Variants in SLC9A9 observed in about 807,000 individuals in gnomAD.
SLC9A9 encodes sodium/hydrogen exchanger 9.
A neutral mutation model predicts 77.8 loss-of-function variants in SLC9A9; 62 were observed. The ratio of observed to expected loss-of-function variants is 0.80; its 90% CI spans 0.65 to 0.98. SLC9A9 has a LOEUF of 0.98. Among genes scored for constraint, SLC9A9 ranks in the 50% least tolerant of loss-of-function variants. The probability of loss-of-function intolerance (pLI) is 0.00; values close to 1 mark genes in which losing one functional copy is unlikely to be tolerated. For missense variants in SLC9A9, 775 were observed against 774.9 expected, an observed-to-expected ratio of 1.00 and a Z score of 0.00; for synonymous variants, 320 against 283.5, an observed-to-expected ratio of 1.13 and a Z score of -1.29.
chr3:143,715,945 C>T (rs1404921914), intron 4 of SLC9A9, among the ~76,000 whole-genome samples: 1 of 152,208 alleles, frequency 6.6e-6, no homozygotes, highest in African/African-American at 2.4e-5. Context: ...GAGGTCTATA[C>T]CCAAAAGAGT....
chr3:143,731,558 A>T (rs553776924), intron 4 of SLC9A9, among the ~76,000 whole-genome samples: 22 of 152,304 alleles, frequency 1.4e-4, no homozygotes, highest in African/African-American at 4.8e-4. Context: ...CTGAGCCAGG[A>T]AGTGCTTGGC....
At chr3:143,494,816 C>G (rs1028455694) in intron 10 of SLC9A9, among the ~76,000 whole-genome samples, 5 of 152,204 alleles carry the variant, frequency 3.3e-5, no homozygotes, top group African/African-American at 1.2e-4. Context: ...TCAGATGAAC[C>G]TGTATTTGAA....
At chr3:143,718,521 T>C (rs79803064) in intron 4 of SLC9A9, among the ~76,000 whole-genome samples, 5,213 of 152,284 alleles carry the variant, frequency 0.034, 288 homozygotes, top group African/African-American at 0.12. Context: ...CAGGTTCAGC[T>C]GTGTCCCAGC....
intron 4 of SLC9A9, among the ~76,000 whole-genome samples, chr3:143,749,142 T>A (rs1935274699): frequency 6.6e-6 from 1 of 152,228 alleles, no homozygotes; most frequent in East Asian, 1.9e-4. Flanking sequence ...AACACATGGT[T>A]TATATATTTG....
At chr3:143,795,623 T>C (rs570255269) in intron 3 of SLC9A9, among the ~76,000 whole-genome samples, 48 of 152,214 alleles carry the variant, frequency 3.2e-4, no homozygotes, top group African/African-American at 1.1e-3. Flanking sequence ...TTCCAGCAAT[T>C]TGGGAGGCTG....
At chr3:143,406,978 G>GAAAAAAA (rs57344964) in intron 12 of SLC9A9, among the ~76,000 whole-genome samples, 15 of 69,138 alleles carry the variant, frequency 2.2e-4, no homozygotes, top group Non-Finnish European at 3.6e-4. Context: ...TCCATCTCGA[G>GAAAAAAA]AAAAAAAAAA....
intron 2 of SLC9A9, among the ~76,000 whole-genome samples, chr3:143,821,902 C>A (rs6793658): frequency 6.6e-6 from 1 of 152,076 alleles, no homozygotes; most frequent in Non-Finnish European, 1.5e-5. Context: ...CCAGCCTATG[C>A]GGGGGTCAGT....
At chr3:143,418,250 G>A (rs1372662711) in intron 12 of SLC9A9, among the ~76,000 whole-genome samples, 2 of 151,810 alleles carry the variant, frequency 1.3e-5, no homozygotes, top group Non-Finnish European at 2.9e-5. Flanking sequence ...CCTTAAAGCA[G>A]ATTAAACTCG....
At chr3:143,321,666 T>C (rs1187603270) in intron 14 of SLC9A9, among the ~76,000 whole-genome samples, 7 of 152,246 alleles carry the variant, frequency 4.6e-5, no homozygotes, top group Non-Finnish European at 8.8e-5. Context: ...ATCAGTAAGG[T>C]CCAAAGAGTC....
intron 4 of SLC9A9, among the ~76,000 whole-genome samples, chr3:143,729,983 G>A (rs1202436004): frequency 1.3e-5 from 2 of 152,118 alleles, no homozygotes; most frequent in East Asian, 3.8e-4. Context: ...GCTTTCCCTT[G>A]TAGCCTGTCA....
At chr3:143,606,436 C>CTCTCTCTCTCTCTATATATATATATA (rs1419410834) in intron 6 of SLC9A9, among the ~76,000 whole-genome samples, 4 of 54,210 alleles carry the variant, frequency 7.4e-5, no homozygotes, top group African/African-American at 3.1e-4. Flanking sequence ...CTCTCTCTCT[C>CTCTCTCTCTCTCTATATATATATATA]TATATATATA....
At chr3:143,409,088 T>C (rs1240388354) in intron 12 of SLC9A9, among the ~76,000 whole-genome samples, 1 of 152,248 alleles carries the variant, frequency 6.6e-6, no homozygotes, top group African/African-American at 2.4e-5. Flanking sequence ...ACTTTGGATA[T>C]CTGCGCCTTT....
intron 9 of SLC9A9, among the ~76,000 whole-genome samples, chr3:143,532,575 A>G (rs1426255468): frequency 6.6e-6 from 1 of 152,190 alleles, no homozygotes; most frequent in Non-Finnish European, 1.5e-5. Flanking sequence ...TGTACCACGA[A>G]TTTTTATAAA....
chr3:143,787,946 T>TG (rs2008102090), intron 4 of SLC9A9, among the ~76,000 whole-genome samples: 4 of 151,998 alleles, frequency 2.6e-5, no homozygotes, highest in Admixed American at 2.6e-4. Flanking sequence ...AAGGTACTCC[T>TG]GAAGAAGAAG....
At chr3:143,784,033 G>T (rs2007967680) in intron 4 of SLC9A9, among the ~76,000 whole-genome samples, 1 of 152,192 alleles carries the variant, frequency 6.6e-6, no homozygotes, top group African/African-American at 2.4e-5. Context: ...CCACTGATAA[G>T]AAAAATGCAG....
chr3:143,334,306 G>A (rs1339114113), intron 14 of SLC9A9, among the ~76,000 whole-genome samples: 3 of 152,180 alleles, frequency 2.0e-5, no homozygotes, highest in Non-Finnish European at 2.9e-5. Flanking sequence ...TAAAGATAAG[G>A]TCTCTGATTT....
At chr3:143,636,670 T>C (rs2038527655) in intron 6 of SLC9A9, among the ~76,000 whole-genome samples, 1 of 152,228 alleles carries the variant, frequency 6.6e-6, no homozygotes, top group Non-Finnish European at 1.5e-5. Context: ...CCACTCTTTA[T>C]GTCCACGTGT....
rs538569205 is a variant in SLC9A9 at position 143,433,228 on chromosome 3, C to T, written c.1469+33809G>A. The stretch of plus-strand genomic sequence containing the variant: ...AACAAAGTTTTCTTTAGTTTCCTGA[C>T]GTGTTTCAGGGCAATAAGAAATCCT... On this transcript the variant is annotated intron_variant, in intron 12 of 15. Transcript: ENST00000316549. Among the ~76,000 whole-genome samples, 8 of 152,174 alleles carry T rather than the reference C, an allele frequency of 5.3e-5. No individual in the cohort carries two copies. The East Asian group carries it at 1.4e-3, about 26-fold the overall frequency.
intron 9 of SLC9A9, among the ~76,000 whole-genome samples, chr3:143,498,740 A>T (rs1036556163): frequency 3.9e-5 from 6 of 152,150 alleles, no homozygotes; most frequent in African/African-American, 1.4e-4. Flanking sequence ...TCTTTCCATG[A>T]TTTAACTACT....
Sources: allele counts gnomAD v4.1 joint callset (sites outside exome capture counted in the v4.1 genomes callset), GRCh38; gene constraint gnomAD v4.1.1; transcripts MANE v1.5; gene names NCBI Gene and HGNC (gene_info 2026-07-23, HGNC 2026-07-21).